RBMS3: variants seen among roughly 807,000 people sequenced by gnomAD.
The protein encoded by RBMS3 is RNA binding motif single stranded interacting protein 3.
Under a neutral mutation model 66.8 loss-of-function variants are expected in RBMS3, and 27 were observed. The ratio of observed to expected loss-of-function variants is 0.40; its 90% CI spans 0.30 to 0.56. The LOEUF is 0.56. Ranked by LOEUF, RBMS3 falls within the 20% of genes least tolerant of loss-of-function variation. The pLI, the probability that RBMS3 is intolerant of heterozygous loss-of-function variation, is 0.40. For synonymous variants in RBMS3, 188 were observed against 183.0 expected (o/e 1.03, Z -0.22); for missense variants, 513 against 549.5 (o/e 0.93, Z 0.66).
chr3:29,343,691 T>C (rs946328188), intron 1 of RBMS3, among the ~76,000 whole-genome samples: 3 of 152,166 alleles, frequency 2.0e-5, no homozygotes, highest in Non-Finnish European at 2.9e-5. Context: ...GGAAAACCAG[T>C]TCAACCTCAT....
At chr3:29,663,575 A>T (rs1042097526) in intron 4 of RBMS3, among the ~76,000 whole-genome samples, 1 of 152,192 alleles carries the variant, frequency 6.6e-6, no homozygotes, top group African/African-American at 2.4e-5. Flanking sequence ...ATGCAATAGC[A>T]TTGAGGATTA....
chr3:29,672,132 CA>C (rs2051030001), intron 4 of RBMS3, among the ~76,000 whole-genome samples: 1 of 152,146 alleles, frequency 6.6e-6, no homozygotes, highest in African/African-American at 2.4e-5. Flanking sequence ...GGCCGATATT[CA>C]ACATTCTTAA....
At chr3:29,665,637 A>G (rs903443450) in intron 4 of RBMS3, among the ~76,000 whole-genome samples, 22 of 152,216 alleles carry the variant, frequency 1.4e-4, no homozygotes, top group African/African-American at 2.7e-4. Context: ...AAGTTTGCCA[A>G]CATTGCCCTT....
At chr3:29,771,630 T>C (rs2056203606) in intron 6 of RBMS3, among the ~76,000 whole-genome samples, 1 of 152,016 alleles carries the variant, frequency 6.6e-6, no homozygotes, top group African/African-American at 2.4e-5. Context: ...TGTGTTAGTT[T>C]GTTCTCGCAT....
intron 10 of RBMS3, among the ~76,000 whole-genome samples, chr3:29,929,446 G>A (rs909789031): frequency 1.3e-5 from 2 of 152,094 alleles, no homozygotes; most frequent in African/African-American, 4.8e-5. Context: ...CATTCAAAAT[G>A]ACACTATTAT....
At chr3:29,693,277 T>G (rs774695513) in intron 4 of RBMS3, among the ~76,000 whole-genome samples, 1 of 152,206 alleles carries the variant, frequency 6.6e-6, no homozygotes, top group Non-Finnish European at 1.5e-5. Flanking sequence ...AAATTCAGAC[T>G]AATACATAGA....
Position 29,763,005 on chromosome 3 carries a change from A to G in RBMS3, c.637+16A>G. The G allele has an allele frequency of 6.5e-7, 1 of 1,539,786 alleles. No homozygotes were observed. Among genetic ancestry groups the G allele is most frequent in the Non-Finnish European group, 8.9e-7 (1 of 1,117,666 alleles). ...GGCATCCCAGGTAAGAAATTCACTA[A>G]TAAGTGACTGAATGATGCCGAGGCT... On this transcript the variant is annotated intron_variant, in intron 6 of 14. Transcript: ENST00000383767.
At chr3:29,390,045 T>C (rs1474259533) in intron 1 of RBMS3, among the ~76,000 whole-genome samples, 1 of 152,154 alleles carries the variant, frequency 6.6e-6, no homozygotes, top group Non-Finnish European at 1.5e-5. Flanking sequence ...CTGATGGAGA[T>C]AAAAGAGGCT....
chr3:29,625,605 GGA>G (rs2049031074), intron 4 of RBMS3, among the ~76,000 whole-genome samples: 1 of 151,918 alleles, frequency 6.6e-6, no homozygotes, highest in South Asian at 2.1e-4. Context: ...GGCTGAGAGA[GGA>G]GAATCACTTG....
At chr3:29,974,176 T>C (rs1447022159) in intron 12 of RBMS3, among the ~76,000 whole-genome samples, 5 of 151,940 alleles carry the variant, frequency 3.3e-5, no homozygotes, top group Non-Finnish European at 7.4e-5. Context: ...AGAAATCTTA[T>C]TACATAACCC....
At chr3:29,895,466 C>T (rs1559777335) in intron 8 of RBMS3, among the ~76,000 whole-genome samples, 1 of 151,462 alleles carries the variant, frequency 6.6e-6, no homozygotes, top group Admixed American at 6.6e-5. Flanking sequence ...TTTGCCTTTT[C>T]CCTAGTGTGA....
At chr3:29,443,208 C>T (rs2041692003) in intron 2 of RBMS3, among the ~76,000 whole-genome samples, 1 of 151,996 alleles carries the variant, frequency 6.6e-6, no homozygotes, top group Non-Finnish European at 1.5e-5. Flanking sequence ...CTCTTTTCCC[C>T]AGTCTAGAAT....
intron 6 of RBMS3, among the ~76,000 whole-genome samples, chr3:29,785,844 C>G (rs1559669518): frequency 6.6e-6 from 1 of 151,860 alleles, no homozygotes; most frequent in Non-Finnish European, 1.5e-5. Context: ...TTAGCCAGAA[C>G]AATCAAACAA....
At chr3:29,685,442 A>G (rs2051688628) in intron 4 of RBMS3, among the ~76,000 whole-genome samples, 1 of 152,038 alleles carries the variant, frequency 6.6e-6, no homozygotes, top group African/African-American at 2.4e-5. Flanking sequence ...ATTTGATGTG[A>G]TACTCAAGTT....
intron 3 of RBMS3, among the ~76,000 whole-genome samples, chr3:29,545,452 C>T (rs1428708055): frequency 4.6e-5 from 7 of 152,086 alleles, no homozygotes; most frequent in African/African-American, 1.7e-4. Flanking sequence ...GAAGCAGATA[C>T]TTTCAATAAA....
chr3:29,525,644 CACTATGGCTCAATAGT>C (rs2045063618), intron 3 of RBMS3, among the ~76,000 whole-genome samples: 1 of 152,182 alleles, frequency 6.6e-6, no homozygotes, highest in Non-Finnish European at 1.5e-5. Context: ...ATTCCACTCC[CACTATGGCTCAATAGT>C]ACAATATATT....
chr3:29,861,412 T>C (rs1410920012), intron 6 of RBMS3, among the ~76,000 whole-genome samples: 1 of 152,290 alleles, frequency 6.6e-6, no homozygotes, highest in South Asian at 2.1e-4. Context: ...AGTAATGTTA[T>C]AGCAATAAAG....
Position 30,008,221 on chromosome 3 carries a change from G to A in RBMS3, c.*4359G>A, listed in dbSNP as rs780160430. 1 of 151,992 alleles carries A rather than the reference G, an allele frequency of 6.6e-6. No homozygotes were observed. The highest frequency in any genetic ancestry group is 2.4e-5 in the African/African-American group (1 of 41,384). 9.4% of individuals were successfully genotyped at this position (151,992 alleles called of 1,614,324 possible). A position where few individuals can be genotyped will look rare whatever the true frequency, so the allele number is the denominator to read the frequency against. On this transcript the variant is annotated 3_prime_UTR_variant, in exon 15 of 15. Transcript: ENST00000383767. ...TTGCAGTCATCTTCACGACTGAGGA[G>A]AAGTTTCAATAGGCTGTCTAGACAT...
chr3:29,488,299 T>C, intron 2 of RBMS3, 142 bp from the exon 3 acceptor site: 2 of 607,560 alleles, frequency 3.3e-6, no homozygotes, highest in Non-Finnish European at 5.7e-6. Flanking sequence ...AAGGACATCA[T>C]CCAGGTGTGA....
Sources: allele counts gnomAD v4.1 joint callset (sites outside exome capture counted in the v4.1 genomes callset), GRCh38; gene constraint gnomAD v4.1.1; transcripts MANE v1.5; gene names NCBI Gene and HGNC (gene_info 2026-07-23, HGNC 2026-07-21).